DLGAP1: variants seen among roughly 807,000 people sequenced by gnomAD.
DLGAP1 encodes the protein disks large-associated protein 1.
In DLGAP1, 11 loss-of-function variants were observed where a neutral mutation model predicts 90.8. The ratio of observed to expected loss-of-function variants is 0.12; its 90% CI spans 0.08 to 0.20. The LOEUF (loss-of-function observed/expected upper bound fraction) is 0.20, where lower values mean the gene tolerates loss of function less well. DLGAP1 is among the 10% of genes least tolerant of loss of function. The probability of loss-of-function intolerance (pLI) is 1.00; values close to 1 mark genes in which losing one functional copy is unlikely to be tolerated. For missense variants in DLGAP1, 1,050 were observed against 1,333.8 expected, an observed-to-expected ratio of 0.79 and a Z score of 3.31; for synonymous variants, 558 against 540.7, an observed-to-expected ratio of 1.03 and a Z score of -0.44.
At chr18:3,681,548 T>G (rs1393038647) in intron 7 of DLGAP1, among the ~76,000 whole-genome samples, 1 of 152,180 alleles carries the variant, frequency 6.6e-6, no homozygotes, top group African/African-American at 2.4e-5. Flanking sequence ...CATAAATCGA[T>G]ATTGCTGGAA....
intron 2 of DLGAP1, among the ~76,000 whole-genome samples, chr18:4,098,642 C>T (rs779614836): frequency 1.4e-4 from 22 of 151,938 alleles, no homozygotes; most frequent in Non-Finnish European, 2.6e-4. Flanking sequence ...AGAAAACCGC[C>T]AATAGAAATA....
At position 3,558,540 on chromosome 18, in the gene DLGAP1, A is replaced by G. The variant is rs540995322; in HGVS notation, c.2057+8950T>C. 1.5e-4 allele frequency among the ~76,000 whole-genome samples: 23 copies of G among 152,216 alleles called. No individual in the cohort carries two copies. The South Asian group carries it at 4.8e-3, about 32-fold the overall frequency. On this transcript the variant is annotated intron_variant, in intron 9 of 12. Coordinates refer to ENST00000315677, the MANE Select transcript of DLGAP1 (RefSeq NM_004746.4). The stretch of plus-strand genomic sequence containing the variant: ...TAGCCACCGGGCCCAGCTAGAATTC[A>G]TGTATTTTGAAACTCTGTTGGTAGG...
At chr18:3,867,378 C>T (rs1462417655) in intron 4 of DLGAP1, among the ~76,000 whole-genome samples, 1 of 151,818 alleles carries the variant, frequency 6.6e-6, no homozygotes, top group Non-Finnish European at 1.5e-5. Flanking sequence ...AAAATAGCTG[C>T]ACAAAAGGAA....
At chr18:4,246,561 G>T (rs929008485) in intron 1 of DLGAP1, among the ~76,000 whole-genome samples, 4 of 152,160 alleles carry the variant, frequency 2.6e-5, no homozygotes, top group African/African-American at 4.8e-5. Flanking sequence ...GCCAGTGCTG[G>T]CCTGGGGACG....
chr18:4,282,682 A>C (rs2079582692), intron 1 of DLGAP1, among the ~76,000 whole-genome samples: 1 of 152,182 alleles, frequency 6.6e-6, no homozygotes, highest in Non-Finnish European at 1.5e-5. Context: ...CTGTTGACAA[A>C]ACCTTGCTAA....
rs2075656564 is a variant in DLGAP1, at chr18:4,084,711, C to G, written c.-159+66469G>C. Among the ~76,000 whole-genome samples, 2 of 152,180 alleles carry G rather than the reference C, an allele frequency of 1.3e-5. No homozygotes were observed. Among genetic ancestry groups the G allele is most frequent in the Non-Finnish European group, 2.9e-5 (2 of 68,034 alleles). ...ATTTACCAAACTTAGCATAAAAATA[C>G]ATGGGGTTACTTATTTCTTTGGGCT... On this transcript the variant is annotated intron_variant, in intron 2 of 12. Coordinates refer to ENST00000315677, the MANE Select transcript of DLGAP1 (RefSeq NM_004746.4). This position sits in a 1 kb window ranked among gnomAD's most constrained non-coding sequence, Gnocchi z 4.0.
At chr18:4,220,220 T>A (rs992562996) in intron 1 of DLGAP1, among the ~76,000 whole-genome samples, 1 of 152,164 alleles carries the variant, frequency 6.6e-6, no homozygotes, top group South Asian at 2.1e-4. Flanking sequence ...GTATTTTGTA[T>A]GCTGTTTTGA....
At chr18:3,859,951 T>G (rs1251647929) in intron 4 of DLGAP1, among the ~76,000 whole-genome samples, 1 of 151,780 alleles carries the variant, frequency 6.6e-6, no homozygotes, top group African/African-American at 2.4e-5. Flanking sequence ...TGCAAAAAAT[T>G]AGCCAGGCGT....
intron 1 of DLGAP1, among the ~76,000 whole-genome samples, chr18:4,185,792 G>A (rs1377099019): frequency 2.0e-5 from 3 of 152,120 alleles, no homozygotes; most frequent in African/African-American, 7.2e-5. Context: ...ATTCCATTGG[G>A]TATACACTAG....
At chr18:3,838,792 T>C (rs1035231416) in intron 4 of DLGAP1, among the ~76,000 whole-genome samples, 1 of 152,228 alleles carries the variant, frequency 6.6e-6, no homozygotes, top group African/African-American at 2.4e-5. Context: ...TAATTGTTAA[T>C]CTTAGAAAAT....
intron 4 of DLGAP1, among the ~76,000 whole-genome samples, chr18:3,872,011 A>C (rs2070775803): frequency 6.6e-6 from 1 of 152,166 alleles, no homozygotes; most frequent in African/African-American, 2.4e-5. Context: ...ACTCCAGTTG[A>C]CAGAGAACAG....
chr18:4,437,590 G>A (rs2083433032), intron 1 of DLGAP1, among the ~76,000 whole-genome samples: 1 of 152,208 alleles, frequency 6.6e-6, no homozygotes, highest in Non-Finnish European at 1.5e-5. Context: ...GTTCAGTACA[G>A]ATGCAAATTT....
intron 8 of DLGAP1, chr18:3,580,850 C>CA: frequency 7.6e-7 from 1 of 1,324,070 alleles, no homozygotes; most frequent in Admixed American, 2.0e-5. Flanking sequence ...GCTCTGCCCC[C>CA]GGGGTGAGTG....
At chr18:3,766,845 C>T (rs1174609110) in intron 5 of DLGAP1, among the ~76,000 whole-genome samples, 1 of 152,016 alleles carries the variant, frequency 6.6e-6, no homozygotes, top group African/African-American at 2.4e-5. Context: ...AAACGTATAG[C>T]ACTAAATGTA....
chr18:3,621,564 T>C (rs2058096696), intron 7 of DLGAP1, among the ~76,000 whole-genome samples: 1 of 152,210 alleles, frequency 6.6e-6, no homozygotes, highest in African/African-American at 2.4e-5. Context: ...TCAAACCGTG[T>C]TCAAATAAGG....
intron 5 of DLGAP1, among the ~76,000 whole-genome samples, chr18:3,747,084 A>G (rs2063300854): frequency 6.6e-6 from 1 of 152,198 alleles, no homozygotes; most frequent in Admixed American, 6.5e-5. Flanking sequence ...GGCTGGGTGC[A>G]GTGTGGCTCA....
intron 3 of DLGAP1, among the ~76,000 whole-genome samples, chr18:3,905,388 A>AAAAG (rs2071881907): frequency 6.7e-6 from 1 of 149,544 alleles, no homozygotes; most frequent in African/African-American, 2.4e-5. Flanking sequence ...AAAAAAAAAA[A>AAAAG]AAAAGAAAAG....
At chr18:3,504,193 A>G (rs2050091098) in intron 11 of DLGAP1, among the ~76,000 whole-genome samples, 1 of 152,168 alleles carries the variant, frequency 6.6e-6, no homozygotes, top group Admixed American at 6.5e-5. Context: ...GAAGAAATAA[A>G]TTTTAAAGTT....
At chr18:3,719,550 C>T (rs1475134858) in intron 7 of DLGAP1, among the ~76,000 whole-genome samples, 2 of 111,696 alleles carry the variant, frequency 1.8e-5, no homozygotes, top group Admixed American at 2.1e-4. Flanking sequence ...GAGCAAGACT[C>T]TGTCTCAAAA....
Sources: gnomAD v4.1 joint callset for allele counts (sites outside exome capture counted in the v4.1 genomes callset) on GRCh38, gnomAD v4.1.1 for gene constraint, Gnocchi (gnomAD v3.1) non-coding constraint, MANE v1.5 for transcripts, NCBI Gene and HGNC (gene_info 2026-07-23, HGNC 2026-07-21) for gene names.